Variants in PRRC2B observed in about 807,000 individuals in gnomAD.
PRRC2B encodes the protein proline rich coiled-coil 2B.
A neutral mutation model predicts 242.3 loss-of-function variants in PRRC2B; 68 were observed. The observed-to-expected ratio is 0.28, with a 90% CI of 0.23 to 0.34. The LOEUF (loss-of-function observed/expected upper bound fraction) is 0.34, where lower values mean the gene tolerates loss of function less well. PRRC2B is among the 10% of genes least tolerant of loss of function. The pLI is 1.00. For missense variants in PRRC2B, 2,835 were observed against 2,954.8 expected (o/e 0.96, Z 0.94); for synonymous variants, 1,228 against 1,173.6 (o/e 1.05, Z -0.95).
At chr9:131,417,950 G>A (rs535111741) in intron 1 of PRRC2B, among the ~76,000 whole-genome samples, 51 of 152,330 alleles carry the variant, frequency 3.3e-4, no homozygotes, top group Non-Finnish European at 6.3e-4. Context: ...TCGCTACAGA[G>A]CATGGTGAGG....
chr9:131,487,764 T>G lies in PRRC2B; in HGVS notation c.5985-92T>G. On this transcript the variant is annotated intron_variant, in intron 27 of 31. Coordinates refer to ENST00000683519, the MANE Select transcript of PRRC2B (RefSeq NM_013318.4). This position sits in a 1 kb window ranked among gnomAD's most constrained non-coding sequence, Gnocchi z 5.3. ...GGGGGTGGGGCCGGGGATCTGTGGT[T>G]TAGCAAGCTCTCCGGGGATCTCTGA... The G allele has an allele frequency of 6.6e-7, 1 of 1,506,910 alleles. No individual in the cohort carries two copies. The allele number at this position is 1,506,910 out of a possible 1,614,324, so 93.3% of individuals were successfully genotyped here. A position where few individuals can be genotyped will look rare whatever the true frequency, so the allele number is the denominator to read the frequency against.
chr9:131,469,145 C>A (rs757727435), intron 13 of PRRC2B, among the ~76,000 whole-genome samples: 1 of 152,058 alleles, frequency 6.6e-6, no homozygotes, highest in Non-Finnish European at 1.5e-5. Flanking sequence ...ACCAGCCTGA[C>A]CAATATGGTG....
At chr9:131,485,564 C>T (rs748448104) in intron 25 of PRRC2B, 3 of 523,736 alleles carry the variant, frequency 5.7e-6, no homozygotes, top group Admixed American at 1.9e-5. Context: ...CAACAGAGCC[C>T]TCAGTCACTG....
chr9:131,485,625 C>A (rs1192671962), intron 25 of PRRC2B: 1 of 532,804 alleles, frequency 1.9e-6, no homozygotes, highest in Non-Finnish European at 3.7e-6. Flanking sequence ...GCCAGTGTCC[C>A]CAAGGGGAAG....
intron 1 of PRRC2B, among the ~76,000 whole-genome samples, chr9:131,415,309 C>T (rs1193695894): frequency 6.6e-6 from 1 of 152,216 alleles, no homozygotes; most frequent in Non-Finnish European, 1.5e-5. Context: ...TAAGAACGTT[C>T]ATTGACTCAA....
rs1943526947 is a variant in PRRC2B at position 131,470,938 on chromosome 9, A to G, written c.2062A>G (p.Thr688Ala). The G allele has an allele frequency of 6.2e-7, 1 of 1,607,160 alleles. No homozygotes were observed. The highest frequency in any genetic ancestry group is 8.5e-7 in the Non-Finnish European group (1 of 1,176,930). The change falls in exon 14 of 32, where the codon ACT becomes GCT. Residue 688 changes from threonine (T) to alanine (A), a missense_variant. By Grantham distance (58) the Thr-to-Ala change is moderately conservative (BLOSUM62 0). Coordinates refer to ENST00000683519, the MANE Select transcript of PRRC2B (RefSeq NM_013318.4). ...CTACATGGACCCACGTATCACGCCC[A>G]CTCGGACCCCGGTGGACTTCTACCC... ...PSYMDPRITPTRTPVDFYPSA... is the reference protein window; with the variant it reads ...PSYMDPRITPARTPVDFYPSA...
At position 131,448,543 on chromosome 9, in the gene PRRC2B, CAAAAAAAAAAA is replaced by C. The variant is rs754661321; in HGVS notation, c.1120+756_1120+766del. Among the ~76,000 whole-genome samples, 85 of 39,894 alleles carry C rather than the reference CAAAAAAAAAAA, an allele frequency of 2.1e-3. 7 individuals are homozygous for C. The highest frequency in any genetic ancestry group is 7.3e-3 in the Admixed American group (27 of 3,724). The allele number at this position is 39,894 out of a possible 152,430, so 26.2% of individuals were successfully genotyped here. A position where few individuals can be genotyped will look rare whatever the true frequency, so the allele number is the denominator to read the frequency against. ...TGGGCGACAGAGGGAGACACTGTCTCAAAAAAAAAAAAAAAAAAAAAAAAAAAGGAAAGAGA... is the reference window on the plus strand; with the variant it reads ...TGGGCGACAGAGGGAGACACTGTCTCAAAAAAAAAAAAAAAAGGAAAGAGA... On this transcript the variant is annotated intron_variant, in intron 9 of 31. Transcript: ENST00000683519.
intron 1 of PRRC2B, among the ~76,000 whole-genome samples, chr9:131,412,742 A>G (rs1837537851): frequency 6.6e-6 from 1 of 151,744 alleles, no homozygotes; most frequent in Admixed American, 6.6e-5. Context: ...ACTCATTCTG[A>G]AATTTATATG....
At chr9:131,402,076 TCTC>T (rs918721974) in intron 1 of PRRC2B, among the ~76,000 whole-genome samples, 22 of 152,214 alleles carry the variant, frequency 1.4e-4, no homozygotes, top group African/African-American at 5.3e-4. Flanking sequence ...TTCAAGCGAT[TCTC>T]CTGCCTCAGC....
intron 10 of PRRC2B, among the ~76,000 whole-genome samples, chr9:131,458,569 A>G (rs911550303): frequency 6.7e-6 from 1 of 149,750 alleles, no homozygotes; most frequent in Non-Finnish European, 1.5e-5. Context: ...TAGTGCCGCG[A>G]TTTTGGCTCA....
At chr9:131,476,639 G>A in intron 16 of PRRC2B, 104 bp downstream of exon 16, 1 of 1,074,128 alleles carries the variant, frequency 9.3e-7, no homozygotes, top group Non-Finnish European at 1.3e-6. Flanking sequence ...GGGGCTGGGG[G>A]CCTGCCCCCA....
intron 1 of PRRC2B, among the ~76,000 whole-genome samples, chr9:131,408,381 G>A (rs1288441125): frequency 6.6e-6 from 1 of 152,220 alleles, no homozygotes; most frequent in Non-Finnish European, 1.5e-5. Flanking sequence ...GGTGGGACAT[G>A]TTCAGTTGGA....
intron 1 of PRRC2B, among the ~76,000 whole-genome samples, chr9:131,407,893 T>C (rs538792288): frequency 4.1e-4 from 63 of 152,332 alleles, no homozygotes; most frequent in Admixed American, 1.6e-3. Flanking sequence ...GACAGCCACC[T>C]TAGTGGCGGT....
At chr9:131,473,001 T>G (rs10793872) in intron 14 of PRRC2B, among the ~76,000 whole-genome samples, 4 of 152,098 alleles carry the variant, frequency 2.6e-5, no homozygotes, top group East Asian at 3.9e-4. Flanking sequence ...TCTGAAGTCT[T>G]TGTCCCTTAA....
intron 28 of PRRC2B, among the ~76,000 whole-genome samples, chr9:131,489,822 C>A (rs1944134092): frequency 6.6e-6 from 1 of 152,148 alleles, no homozygotes; most frequent in Non-Finnish European, 1.5e-5. Context: ...CACAGACGAG[C>A]TGCAGTGCTG....
intron 9 of PRRC2B, among the ~76,000 whole-genome samples, chr9:131,451,877 G>A (rs1400024606): frequency 6.6e-6 from 1 of 151,634 alleles, no homozygotes; most frequent in African/African-American, 2.4e-5. Context: ...TTTTTTTAAT[G>A]CTAAACCAAC....
chr9:131,482,775 T>C lies in PRRC2B; in HGVS notation c.5241T>C (p.Ser1747=). 1 of 1,612,164 alleles carries C rather than the reference T, an allele frequency of 6.2e-7. No homozygotes were observed. The highest frequency in any genetic ancestry group is 8.5e-7 in the Non-Finnish European group (1 of 1,179,100). The part of the protein sequence containing the change: ...HRPGPIGNER[S]LKNRKGSEGA... ...CAGGACCCATCGGCAACGAGCGTTC[T>C]CTGAAAAACAGAAAGGGCTCGGAGG... Residue 1747 remains serine, a synonymous_variant, in exon 22 of 32, where the codon TCT becomes TCC. Transcript: ENST00000683519. The surrounding 1 kb of genome is among the most constrained non-coding windows in gnomAD (Gnocchi z 5.2).
At position 131,494,795 on chromosome 9, in the gene PRRC2B, G is replaced by A. The variant is rs917062074; in HGVS notation, c.6555+309G>A. Among the ~76,000 whole-genome samples, 8 of 152,274 alleles carry A rather than the reference G, an allele frequency of 5.3e-5. No homozygotes were observed. In the East Asian group the frequency reaches 9.7e-4, roughly 18 times the overall value. ...GGGGCTGAGGCGCCCTGGGAGACTCGGTTAGGTTTGGGGGTCGGCTTTAGG... is the reference window on the plus strand; with the variant it reads ...GGGGCTGAGGCGCCCTGGGAGACTCAGTTAGGTTTGGGGGTCGGCTTTAGG... On this transcript the variant is annotated intron_variant, in intron 31 of 31. Coordinates refer to ENST00000683519, the MANE Select transcript of PRRC2B (RefSeq NM_013318.4). This position sits in a 1 kb window ranked among gnomAD's most constrained non-coding sequence, Gnocchi z 4.3.
chr9:131,472,643 A>AT (rs1314007603), intron 14 of PRRC2B, among the ~76,000 whole-genome samples: 7 of 151,528 alleles, frequency 4.6e-5, no homozygotes, highest in Non-Finnish European at 8.8e-5. Context: ...TGCCTGGCTG[A>AT]TTTTTTTGTA....
Sources: gnomAD v4.1 joint callset for allele counts (sites outside exome capture counted in the v4.1 genomes callset) on GRCh38, gnomAD v4.1.1 for gene constraint, Gnocchi (gnomAD v3.1) non-coding constraint, MANE v1.5 for transcripts, NCBI Gene and HGNC (gene_info 2026-07-23, HGNC 2026-07-21) for gene names.